APBA2: variants seen among roughly 807,000 people sequenced by gnomAD.
APBA2 encodes amyloid beta precursor protein binding family A member 2.
Under a neutral mutation model 75.0 loss-of-function variants are expected in APBA2, and 30 were observed. The ratio of observed to expected loss-of-function variants is 0.40; its 90% CI spans 0.30 to 0.54. The LOEUF is 0.54. APBA2 is among the 20% of genes least tolerant of loss of function. The probability of loss-of-function intolerance (pLI) is 0.49; values close to 1 mark genes in which losing one functional copy is unlikely to be tolerated. For synonymous variants in APBA2, 444 were observed against 409.6 expected (o/e 1.08, Z -1.01); for missense variants, 801 against 1,016.1 (o/e 0.79, Z 2.88).
At chr15:28,939,939 G>A (rs1302392545) in intron 2 of APBA2, among the ~76,000 whole-genome samples, 2 of 152,214 alleles carry the variant, frequency 1.3e-5, no homozygotes, top group East Asian at 3.9e-4. Context: ...AGGCAGCTGA[G>A]GGGCAAGTGT....
intron 1 of APBA2, among the ~76,000 whole-genome samples, chr15:28,906,295 A>G (rs1215501642): frequency 6.6e-6 from 1 of 152,258 alleles, no homozygotes; most frequent in East Asian, 1.9e-4. Flanking sequence ...CTATGCAGCC[A>G]TAAGAAAGAA....
intron 4 of APBA2, among the ~76,000 whole-genome samples, chr15:29,060,288 G>A (rs765672386): frequency 3.5e-4 from 53 of 152,294 alleles, no homozygotes; most frequent in Middle Eastern, 3.4e-3. Context: ...AAATCCTAGA[G>A]CAACCCAGAG....
intron 3 of APBA2, among the ~76,000 whole-genome samples, chr15:29,038,310 A>G (rs1202875340): frequency 6.6e-6 from 1 of 152,168 alleles, no homozygotes; most frequent in Non-Finnish European, 1.5e-5. Flanking sequence ...GCTCCAAGTG[A>G]CCTATCTTCC....
chr15:29,069,196 A>T (rs1255391271), intron 4 of APBA2, among the ~76,000 whole-genome samples: 4 of 152,064 alleles, frequency 2.6e-5, no homozygotes, highest in African/African-American at 9.7e-5. Context: ...TACTTTGTTC[A>T]TTTTTGTGGC....
At chr15:28,989,997 C>T (rs1329101853) in intron 2 of APBA2, among the ~76,000 whole-genome samples, 2 of 152,152 alleles carry the variant, frequency 1.3e-5, no homozygotes, top group African/African-American at 2.4e-5. Context: ...ACTGGAGAGC[C>T]GTGTCAGAGC....
chr15:29,081,962 C>G (rs2043101898), intron 6 of APBA2, among the ~76,000 whole-genome samples: 2 of 152,200 alleles, frequency 1.3e-5, no homozygotes, highest in South Asian at 4.1e-4. Context: ...GAATGCCTTC[C>G]CAAGGGGGGA....
chr15:28,966,325 G>T (rs1472634532), intron 2 of APBA2, among the ~76,000 whole-genome samples: 1 of 152,014 alleles, frequency 6.6e-6, no homozygotes, highest in Non-Finnish European at 1.5e-5. Context: ...TGAATTTGTC[G>T]ATTTTTCTCT....
chr15:28,976,614 T>C (rs939469564), intron 2 of APBA2, among the ~76,000 whole-genome samples: 8 of 152,248 alleles, frequency 5.3e-5, no homozygotes, highest in Admixed American at 3.9e-4. Flanking sequence ...TGATGAATTA[T>C]GTGATTGCGA....
At chr15:28,954,249 C>T (rs773748732) in intron 2 of APBA2, among the ~76,000 whole-genome samples, 9 of 152,200 alleles carry the variant, frequency 5.9e-5, no homozygotes, top group Non-Finnish European at 1.5e-5. Context: ...ACACTGACTG[C>T]ATACCTTCCC....
At chr15:29,068,044 G>A (rs1423534633) in intron 4 of APBA2, among the ~76,000 whole-genome samples, 2 of 152,140 alleles carry the variant, frequency 1.3e-5, no homozygotes, top group Admixed American at 1.3e-4. Flanking sequence ...TTTCCTTTTG[G>A]CTTGGGCACC....
intron 9 of APBA2, among the ~76,000 whole-genome samples, chr15:29,100,132 CTG>C (rs1348061589): frequency 6.6e-6 from 1 of 152,176 alleles, no homozygotes; most frequent in East Asian, 1.9e-4. Context: ...TAGGCAGCCT[CTG>C]TGAGGAGGAG....
In APBA2 at chr15:28,984,763, C is replaced by A. The variant is rs180759485; in HGVS notation, c.-94-10990C>A. The stretch of plus-strand genomic sequence containing the variant: ...CTGTCTCTCTATCTCTCTCCCCCCC[C>A]ACCCCACTGCCATCTCTGGAGTTTG... On this transcript the variant is annotated intron_variant, in intron 2 of 14. Coordinates refer to ENST00000683413, the MANE Select transcript of APBA2 (RefSeq NM_001353788.2). 3.7e-4 allele frequency among the ~76,000 whole-genome samples: 56 copies of A among 150,944 alleles called. No individual in the cohort carries two copies. The East Asian group carries it at 7.2e-3, about 20-fold the overall frequency.
intron 2 of APBA2, among the ~76,000 whole-genome samples, chr15:28,966,412 G>C (rs2036741877): frequency 6.6e-6 from 1 of 152,056 alleles, no homozygotes; most frequent in Admixed American, 6.5e-5. Flanking sequence ...GTTCTTGGTA[G>C]GCTGGGCATT....
At chr15:28,929,622 C>T (rs2034457974) in intron 2 of APBA2, among the ~76,000 whole-genome samples, 2 of 152,138 alleles carry the variant, frequency 1.3e-5, no homozygotes, top group Non-Finnish European at 2.9e-5. Context: ...GTCACTTCCG[C>T]GTTGCTAGTT....
chr15:29,029,241 C>T (rs1022847977), intron 3 of APBA2, among the ~76,000 whole-genome samples: 35 of 152,158 alleles, frequency 2.3e-4, no homozygotes, highest in African/African-American at 7.7e-4. Flanking sequence ...GCCACTTCTT[C>T]CAGCACCACT....
intron 12 of APBA2, 28 bp downstream of exon 12, chr15:29,106,847 G>A: frequency 1.2e-6 from 2 of 1,603,046 alleles, no homozygotes; most frequent in Non-Finnish European, 1.7e-6. Flanking sequence ...CTCCGCCCAG[G>A]GGTCACCTCA....
At chr15:28,948,715 C>G (rs1487075561) in intron 2 of APBA2, among the ~76,000 whole-genome samples, 2 of 152,194 alleles carry the variant, frequency 1.3e-5, no homozygotes, top group Non-Finnish European at 2.9e-5. Context: ...AACGCTGATA[C>G]AGTCTGTGCC....
chr15:28,888,654 T>C (rs2031921526), intron 1 of APBA2, among the ~76,000 whole-genome samples: 1 of 152,164 alleles, frequency 6.6e-6, no homozygotes, highest in South Asian at 2.1e-4. Flanking sequence ...CACACATCAC[T>C]GGGTGGCTCG....
At chr15:29,109,724 G>A (rs1023052620) in intron 13 of APBA2, among the ~76,000 whole-genome samples, 9 of 152,248 alleles carry the variant, frequency 5.9e-5, no homozygotes, top group South Asian at 4.1e-4. Flanking sequence ...CATCGCCAGC[G>A]TCAGCCATAC....
Sources: allele counts gnomAD v4.1 joint callset (sites outside exome capture counted in the v4.1 genomes callset), GRCh38; gene constraint gnomAD v4.1.1; transcripts MANE v1.5; gene names NCBI Gene and HGNC (gene_info 2026-07-23, HGNC 2026-07-21).